MAPK14: variants seen among roughly 807,000 people sequenced by gnomAD.
MAPK14 encodes the protein CSAID-binding protein.
Under a neutral mutation model 49.6 loss-of-function variants are expected in MAPK14, and 16 were observed. The observed-to-expected ratio is 0.32, with a 90% confidence interval of 0.22 to 0.49. MAPK14 has a LOEUF of 0.49. Among genes scored for constraint, MAPK14 ranks in the 20% least tolerant of loss-of-function variants. The pLI is 0.99. For missense variants in MAPK14, 200 were observed against 441.2 expected (o/e 0.45, Z 4.90); for synonymous variants, 142 against 158.0 (o/e 0.90, Z 0.76).
rs1562090295 is a variant in MAPK14, at chr6:36,028,790, C to CTTTTTTTTTTTTTT, written c.116+517_116+518insTTTTTTTTTTTTTT. Among the ~76,000 whole-genome samples, 1 of 137,482 alleles carries CTTTTTTTTTTTTTT rather than the reference C, an allele frequency of 7.3e-6. No individual in the cohort carries two copies. Among genetic ancestry groups the CTTTTTTTTTTTTTT allele is most frequent in the African/African-American group, 2.8e-5 (1 of 35,266 alleles). The allele number at this position is 137,482 out of a possible 152,430, so 90.2% of individuals were successfully genotyped here. ...GACCAGGAAGGGAGCTCTCTCCGGG[C>CTTTTTTTTTTTTTT]CTTTTTTTTTTTTTTTTTTTTTCAA... is the stretch of plus-strand genomic sequence containing the variant. On this transcript the variant is annotated intron_variant, in intron 1 of 11. Coordinates refer to ENST00000229794, the MANE Select transcript of MAPK14 (RefSeq NM_139012.3). This position sits in a 1 kb window ranked among gnomAD's most constrained non-coding sequence, Gnocchi z 5.1.
intron 6 of MAPK14, among the ~76,000 whole-genome samples, chr6:36,074,442 A>G (rs1581792632): frequency 6.6e-6 from 1 of 152,342 alleles, no homozygotes; most frequent in East Asian, 1.9e-4. Flanking sequence ...CTCACTCAAA[A>G]TAATTCAAAT....
the MAPK14 span, among the ~76,000 whole-genome samples, chr6:36,120,603 C>T: frequency 1.2e-4 from 18 of 152,234 alleles, no homozygotes; most frequent in Admixed American, 7.8e-4. Context: ...GTGTATCCCC[C>T]GGCTGTTTTC....
chr6:36,077,243 G>A (rs1209887312), intron 8 of MAPK14, among the ~76,000 whole-genome samples: 2 of 151,994 alleles, frequency 1.3e-5, no homozygotes, highest in Non-Finnish European at 2.9e-5. Flanking sequence ...TTTCCTATCT[G>A]CGGTATGCTT....
chr6:36,045,331 A>G (rs1359053611), intron 1 of MAPK14, among the ~76,000 whole-genome samples: 1 of 152,164 alleles, frequency 6.6e-6, no homozygotes, highest in East Asian at 1.9e-4. Context: ...TTGAACAGAC[A>G]CAGAATGAAC....
At chr6:36,096,142 C>T in intron 9 of MAPK14, 76 bp downstream of exon 9, 2 of 1,037,442 alleles carry the variant, frequency 1.9e-6, no homozygotes, top group South Asian at 1.3e-5. Context: ...GTACTTTGAC[C>T]TGGGTGTGTT....
At chr6:36,079,901 G>A (rs902499555) in intron 8 of MAPK14, among the ~76,000 whole-genome samples, 1 of 151,802 alleles carries the variant, frequency 6.6e-6, no homozygotes, top group Non-Finnish European at 1.5e-5. Context: ...AAATTGAATT[G>A]AAAATATTTT....
downstream of MAPK14, among the ~76,000 whole-genome samples, chr6:36,114,338 C>T (rs936659290): frequency 1.3e-5 from 2 of 152,134 alleles, no homozygotes; most frequent in South Asian, 2.1e-4. Context: ...GTTTGGTGGC[C>T]GGGCACGGTG....
intron 3 of MAPK14, among the ~76,000 whole-genome samples, chr6:36,061,763 C>A (rs2145361): frequency 0.11 from 16,456 of 152,188 alleles, 1,678 homozygotes; most frequent in East Asian, 0.51. Context: ...GCCATATGAC[C>A]TTGGACAAGT....
At chr6:36,062,875 C>G (rs1182069701) in intron 3 of MAPK14, among the ~76,000 whole-genome samples, 1 of 152,064 alleles carries the variant, frequency 6.6e-6, no homozygotes, top group African/African-American at 2.4e-5. Context: ...CCAGACTGGT[C>G]ATGAACGCTT....
downstream of MAPK14, among the ~76,000 whole-genome samples, chr6:36,113,699 T>C (rs1286545007): frequency 3.3e-5 from 5 of 152,188 alleles, no homozygotes. Flanking sequence ...ATGTGTACCT[T>C]TTTTTACACT....
chr6:36,090,527 CTTT>C (rs576947380), intron 8 of MAPK14, among the ~76,000 whole-genome samples: 6 of 136,308 alleles, frequency 4.4e-5, no homozygotes. Context: ...CCCTCTCTCT[CTTT>C]TTTTTTTTTT....
the MAPK14 span, among the ~76,000 whole-genome samples, chr6:36,123,181 G>T: frequency 1.3e-5 from 2 of 152,162 alleles, no homozygotes; most frequent in Non-Finnish European, 2.9e-5. Flanking sequence ...GGCTCATGCA[G>T]AGCTTCAGTG....
intron 10 of MAPK14, among the ~76,000 whole-genome samples, chr6:36,106,480 G>A (rs924732348): frequency 1.3e-5 from 2 of 152,124 alleles, no homozygotes; most frequent in African/African-American, 2.4e-5. Flanking sequence ...AAAAGACAAC[G>A]TTGGAATAAT....
At chr6:36,108,295 G>T in intron 11 of MAPK14, 85 bp from the exon 12 acceptor site, 1 of 976,020 alleles carries the variant, frequency 1.0e-6, no homozygotes, top group South Asian at 1.3e-5. Flanking sequence ...AGAGAGGAAG[G>T]ATCTTGAGCT....
intron 8 of MAPK14, among the ~76,000 whole-genome samples, chr6:36,083,837 C>T (rs935333687): frequency 6.6e-6 from 1 of 152,206 alleles, no homozygotes; most frequent in African/African-American, 2.4e-5. Context: ...CAGCACACCC[C>T]CTCCACCAAG....
intron 8 of MAPK14, chr6:36,092,282 C>A (rs997963108): frequency 3.1e-5 from 18 of 584,674 alleles, no homozygotes; most frequent in Non-Finnish European, 5.7e-5. Context: ...CATTCAGCAG[C>A]GTCCCCTTTG....
chr6:36,093,705 C>T (rs1185024986), intron 8 of MAPK14, among the ~76,000 whole-genome samples: 2 of 113,632 alleles, frequency 1.8e-5, no homozygotes, highest in Admixed American at 2.4e-4. Flanking sequence ...GGCGACAGAG[C>T]GAGAGACTCC....
At chr6:36,121,066 C>A in the MAPK14 span, among the ~76,000 whole-genome samples, 4 of 152,036 alleles carry the variant, frequency 2.6e-5, no homozygotes, top group African/African-American at 9.7e-5. Context: ...GCCCCACCCC[C>A]CCTCCTTGGC....
intron 1 of MAPK14, among the ~76,000 whole-genome samples, chr6:36,048,817 G>A (rs1445505097): frequency 1.3e-5 from 2 of 152,340 alleles, no homozygotes; most frequent in African/African-American, 4.8e-5. Context: ...AGGGCTCAGA[G>A]AAGAGATTTC....
Sources: allele counts gnomAD v4.1 joint callset (sites outside exome capture counted in the v4.1 genomes callset), GRCh38; gene constraint gnomAD v4.1.1; non-coding constraint Gnocchi (gnomAD v3.1); transcripts MANE v1.5; gene names NCBI Gene and HGNC (gene_info 2026-07-23, HGNC 2026-07-21).